CUBN: variants seen among roughly 807,000 people sequenced by gnomAD.
The protein encoded by CUBN is cubilin.
A neutral mutation model predicts 405.3 loss-of-function variants in CUBN; 282 were observed. The observed-to-expected ratio is 0.70, with a 90% CI of 0.63 to 0.77. The LOEUF is 0.77. Ranked by LOEUF, CUBN falls within the 30% of genes least tolerant of loss-of-function variation. The pLI is 0.00. For synonymous variants in CUBN, 1,684 were observed against 1,617.0 expected, an observed-to-expected ratio of 1.04 and a Z score of -0.99; for missense variants, 4,514 against 4,475.2, an observed-to-expected ratio of 1.01 and a Z score of -0.25.
At chr10:16,909,121 A>T (rs1841648655) in intron 48 of CUBN, among the ~76,000 whole-genome samples, 1 of 150,742 alleles carries the variant, frequency 6.6e-6, no homozygotes, top group Non-Finnish European at 1.5e-5. Flanking sequence ...TCCTGACCTC[A>T]TGATCCACCC....
intron 30 of CUBN, 85 bp from the exon 31 acceptor site, chr10:16,982,738 A>G: frequency 2.4e-6 from 3 of 1,235,102 alleles, no homozygotes; most frequent in Non-Finnish European, 3.5e-6. Context: ...AGATCAATAC[A>G]TTACTTTGCT....
At chr10:17,047,671 A>G in intron 22 of CUBN, 68 bp from the exon 23 acceptor site, 1 of 1,351,096 alleles carries the variant, frequency 7.4e-7, no homozygotes, top group South Asian at 1.2e-5. Context: ...ACATCCAGTA[A>G]TATGTATTTC....
chr10:16,844,223 C>A (rs577713774), intron 60 of CUBN, among the ~76,000 whole-genome samples: 1 of 149,000 alleles, frequency 6.7e-6, no homozygotes, highest in South Asian at 2.1e-4. Context: ...GAGCCAAGAT[C>A]GCACCACTGC....
chr10:16,937,249 C>A (rs1370857605), intron 39 of CUBN, among the ~76,000 whole-genome samples: 4 of 152,044 alleles, frequency 2.6e-5, no homozygotes, highest in Non-Finnish European at 5.9e-5. Context: ...TGATCCTTAA[C>A]TAACTGATTG....
intron 59 of CUBN, among the ~76,000 whole-genome samples, chr10:16,869,208 C>T (rs1287644084): frequency 1.4e-5 from 2 of 143,760 alleles, no homozygotes; most frequent in African/African-American, 5.2e-5. Flanking sequence ...TTCTGTCACC[C>T]AGGCTAGAGT....
chr10:17,004,911 G>C (rs2131746656), intron 28 of CUBN, among the ~76,000 whole-genome samples: 1 of 152,066 alleles, frequency 6.6e-6, no homozygotes. Flanking sequence ...ACCTGCCTTG[G>C]CCTCCCGAAG....
At chr10:16,868,006 A>G (rs141745502) in intron 59 of CUBN, among the ~76,000 whole-genome samples, 60 of 152,352 alleles carry the variant, frequency 3.9e-4, no homozygotes, top group African/African-American at 1.3e-3. Context: ...CATTTGGTCT[A>G]AAGTCTGTGC....
chr10:17,109,900 A>G (rs540357513), intron 9 of CUBN, among the ~76,000 whole-genome samples, 165 bp from the exon 10 acceptor site: 6 of 152,360 alleles, frequency 3.9e-5, no homozygotes, highest in African/African-American at 1.2e-4. Flanking sequence ...TTTCATAAAT[A>G]AGAAAAATAA....
chr10:17,075,073 C>CTTTTTTTTTTTTTT (rs957929670), intron 17 of CUBN, among the ~76,000 whole-genome samples: 3 of 65,326 alleles, frequency 4.6e-5, no homozygotes, highest in East Asian at 4.5e-4. Flanking sequence ...TCTTTGTTTT[C>CTTTTTTTTTTTTTT]TTTTTTTTTT....
chr10:16,966,705 TTTCAA>T (rs1843401314), intron 31 of CUBN, among the ~76,000 whole-genome samples: 1 of 152,200 alleles, frequency 6.6e-6, no homozygotes, highest in Admixed American at 6.5e-5. Flanking sequence ...CACCTTGGCC[TTTCAA>T]AGTGCTGGGA....
intron 31 of CUBN, among the ~76,000 whole-genome samples, chr10:16,973,321 C>T (rs887655617): frequency 2.0e-5 from 3 of 152,172 alleles, no homozygotes; most frequent in Non-Finnish European, 4.4e-5. Flanking sequence ...GGCTTCCAGG[C>T]CCAAATGAAT....
chr10:17,071,800 A>G (rs1392153140), intron 18 of CUBN, 27 bp downstream of exon 18: 1 of 1,606,836 alleles, frequency 6.2e-7, no homozygotes, highest in East Asian at 2.2e-5. Context: ...GGCAAATTAG[A>G]CATTTAAAAA....
Position 16,840,961 on chromosome 10 carries a change from G to C in CUBN, c.9750C>G (p.Asn3250Lys), listed in dbSNP as rs1262801774. The C allele has an allele frequency of 1.9e-6, 3 of 1,613,972 alleles. No homozygotes were observed. The highest frequency in any genetic ancestry group is 2.5e-6 in the Non-Finnish European group (3 of 1,179,904). ...CACTGATGAATTGAACCGTAAGGAA[G>C]TTACCAGAAGAGATAAAAGGAGCAG... Reference protein sequence around the residue: ...TVPAPFISSGNFLTVQFISDL... With the variant: ...TVPAPFISSGKFLTVQFISDL... The change falls in exon 61 of 67, where the codon AAC (asparagine) becomes AAG (lysine). Residue 3250 changes from asparagine (N) to lysine (K), a missense_variant. Asn to Lys is a moderately conservative substitution (Grantham distance 94). This residue lies in a region of CUBN where 1,186 missense variants were observed against 1,186.9 expected (regional missense o/e 1.00). Transcript: ENST00000377833.
At position 16,933,223 on chromosome 10, in the gene CUBN, C is replaced by G. The variant is rs1401480810; in HGVS notation, c.5988G>C (p.Trp1996Cys). 1.2e-6 allele frequency: 2 copies of G among 1,613,906 alleles called. No individual in the cohort carries two copies. The highest frequency in any genetic ancestry group is 1.7e-6 in the Non-Finnish European group (2 of 1,179,992). ...DAPVFLFSPGWPDSYSNRVDC... is the reference protein window; with the variant it reads ...DAPVFLFSPGCPDSYSNRVDC... ...CCACTCTATTACTGTAACTGTCAGG[C>G]CAGCCCGGGGAGAAGAGAAACACGG... Residue 1996 changes from tryptophan (W) to cysteine (C), a missense_variant, in exon 40 of 67, where the codon TGG (tryptophan) becomes TGC (cysteine). Physicochemically the swap from Trp to Cys is radical, Grantham distance 215. This residue lies in a region of CUBN where 1,613 missense variants were observed against 1,542.8 expected (regional missense o/e 1.05). Transcript: ENST00000377833.
At chr10:17,085,161 T>G (rs1836077569) in intron 16 of CUBN, among the ~76,000 whole-genome samples, 1 of 152,186 alleles carries the variant, frequency 6.6e-6, no homozygotes, top group South Asian at 2.1e-4. Flanking sequence ...GCTAATAGTA[T>G]TTGGCTGGAA....
At chr10:17,090,965 C>T (rs1361662928) in intron 14 of CUBN, among the ~76,000 whole-genome samples, 4 of 151,918 alleles carry the variant, frequency 2.6e-5, no homozygotes, top group Admixed American at 6.6e-5. Context: ...GGTCTAGAGA[C>T]GATGACACAC....
chr10:17,026,203 G>T (rs1035823621), intron 27 of CUBN, among the ~76,000 whole-genome samples: 8 of 152,150 alleles, frequency 5.3e-5, no homozygotes, highest in Non-Finnish European at 1.0e-4. Flanking sequence ...CCTCATTAGG[G>T]TGATTGTTAA....
At chr10:16,867,865 C>T (rs956442928) in intron 59 of CUBN, among the ~76,000 whole-genome samples, 3 of 152,070 alleles carry the variant, frequency 2.0e-5, no homozygotes, top group Admixed American at 1.3e-4. Flanking sequence ...AACCCTGGCT[C>T]ACTTGAGAAG....
chr10:16,833,059 T>A (rs1839056429), intron 64 of CUBN, among the ~76,000 whole-genome samples: 1 of 152,154 alleles, frequency 6.6e-6, no homozygotes, highest in Non-Finnish European at 1.5e-5. Context: ...TCTCCACGGC[T>A]GGAAAGCAAG....
Sources: gnomAD v4.1 joint callset for allele counts (sites outside exome capture counted in the v4.1 genomes callset) on GRCh38, gnomAD v4.1.1 for gene constraint, gnomAD v4.1.1 regional missense constraint, MANE v1.5 for transcripts, NCBI Gene and HGNC (gene_info 2026-07-23, HGNC 2026-07-21) for gene names.